SLC2A13: variants seen among roughly 807,000 people sequenced by gnomAD.
SLC2A13 encodes proton myo-inositol cotransporter.
SLC2A13 carries 32 observed loss-of-function variants against 64.4 expected under a neutral mutation model. That is an observed-to-expected ratio of 0.50 (90% CI 0.37 to 0.67). The LOEUF is 0.67. Ranked by LOEUF, SLC2A13 falls within the 30% of genes least tolerant of loss-of-function variation. The pLI, the probability that SLC2A13 is intolerant of heterozygous loss-of-function variation, is 0.00. For missense variants in SLC2A13, 743 were observed against 829.2 expected, an observed-to-expected ratio of 0.90 and a Z score of 1.28; for synonymous variants, 338 against 327.1, an observed-to-expected ratio of 1.03 and a Z score of -0.36.
chr12:40,041,585 A>G (rs1948091598), intron 2 of SLC2A13, among the ~76,000 whole-genome samples: 1 of 152,246 alleles, frequency 6.6e-6, no homozygotes, highest in Non-Finnish European at 1.5e-5. Context: ...CAGGAGGAGC[A>G]CTTCTTATCC....
chr12:39,797,740 A>ACACG (rs1555237482), intron 7 of SLC2A13, among the ~76,000 whole-genome samples: 11 of 131,368 alleles, frequency 8.4e-5, no homozygotes, highest in Admixed American at 8.2e-4. Context: ...ACACACACAC[A>ACACG]CACACACACA....
At chr12:39,813,822 G>A (rs73092133) in intron 7 of SLC2A13, among the ~76,000 whole-genome samples, 6,386 of 152,158 alleles carry the variant, frequency 0.042, 444 homozygotes, top group African/African-American at 0.14. Context: ...AGATGTAATT[G>A]GGAATATTAA....
At chr12:39,986,857 C>A (rs1286704046) in intron 3 of SLC2A13, among the ~76,000 whole-genome samples, 1 of 152,092 alleles carries the variant, frequency 6.6e-6, no homozygotes, top group Non-Finnish European at 1.5e-5. Context: ...AGGCAACAAG[C>A]CTGGTCTTGG....
At chr12:39,909,971 A>G (rs1299035408) in intron 4 of SLC2A13, among the ~76,000 whole-genome samples, 1 of 151,946 alleles carries the variant, frequency 6.6e-6, no homozygotes, top group Admixed American at 6.6e-5. Flanking sequence ...AGGTGAAAGT[A>G]ATAAATAAAT....
intron 6 of SLC2A13, among the ~76,000 whole-genome samples, chr12:39,862,931 G>C (rs1166633668): frequency 6.6e-6 from 1 of 152,074 alleles, no homozygotes; most frequent in Non-Finnish European, 1.5e-5. Flanking sequence ...GTAGAGCAGA[G>C]GATTATAGAT....
At chr12:40,101,560 T>C (rs1006939666) in intron 1 of SLC2A13, among the ~76,000 whole-genome samples, 2 of 152,146 alleles carry the variant, frequency 1.3e-5, no homozygotes, top group African/African-American at 4.8e-5. Flanking sequence ...AAAAGTATAA[T>C]GGGAAAACAA....
chr12:40,105,610 C>T lies in SLC2A13; in HGVS notation c.199G>A (p.Ala67Thr). Reference protein sequence around the residue: ...GGGGVGDLERAARRQFQQDET... With the variant: ...GGGGVGDLERTARRQFQQDET... ...TCCTGCTGGAACTGCCGCCGCGCCG[C>T]GCGCTCCAGGTCCCCGACGCCGCCG... Residue 67 changes from alanine (A) to threonine (T), a missense_variant, in exon 1 of 10, where the codon GCG becomes ACG. Physicochemically the swap from Ala to Thr is moderately conservative, Grantham distance 58. This residue lies in a region of SLC2A13 where 448 missense variants were observed against 447.4 expected (regional missense o/e 1.00). Coordinates refer to ENST00000280871, the MANE Select transcript of SLC2A13 (RefSeq NM_052885.4). The surrounding 1 kb of genome is among the most constrained non-coding windows in gnomAD (Gnocchi z 4.2). 1 of 1,518,350 alleles carries T rather than the reference C, an allele frequency of 6.6e-7. No individual in the cohort carries two copies. Among genetic ancestry groups the T allele is most frequent in the Non-Finnish European group, 8.8e-7 (1 of 1,135,392 alleles). The allele number at this position is 1,518,350 out of a possible 1,614,324, so 94.1% of individuals were successfully genotyped here. A position where few individuals can be genotyped will look rare whatever the true frequency, so the allele number is the denominator to read the frequency against.
At chr12:39,769,573 G>A (rs1473712438) in intron 7 of SLC2A13, among the ~76,000 whole-genome samples, 1 of 151,902 alleles carries the variant, frequency 6.6e-6, no homozygotes, top group Non-Finnish European at 1.5e-5. Flanking sequence ...TCCCTCCGGT[G>A]GTACAAGTCT....
At chr12:39,910,728 A>G (rs778332025) in intron 4 of SLC2A13, among the ~76,000 whole-genome samples, 1 of 152,170 alleles carries the variant, frequency 6.6e-6, no homozygotes, top group African/African-American at 2.4e-5. Context: ...GTATGACTAT[A>G]TGTGTGGTTT....
intron 1 of SLC2A13, among the ~76,000 whole-genome samples, chr12:40,074,940 A>G (rs1411509550): frequency 6.6e-6 from 1 of 152,192 alleles, no homozygotes; most frequent in Non-Finnish European, 1.5e-5. Context: ...TAGAGGGTAG[A>G]GGAGTTTAAT....
chr12:40,063,709 A>G (rs1445980844), intron 1 of SLC2A13, among the ~76,000 whole-genome samples: 2 of 152,216 alleles, frequency 1.3e-5, no homozygotes, highest in Non-Finnish European at 2.9e-5. Flanking sequence ...GACTCCAACA[A>G]GAAAGTCATA....
chr12:39,813,995 A>G (rs574904783), intron 7 of SLC2A13, among the ~76,000 whole-genome samples: 1 of 152,214 alleles, frequency 6.6e-6, no homozygotes, highest in African/African-American at 2.4e-5. Flanking sequence ...GTGATTTCGT[A>G]TATTACTTCA....
intron 7 of SLC2A13, among the ~76,000 whole-genome samples, chr12:39,820,632 C>A (rs1203053938): frequency 1.3e-5 from 2 of 151,320 alleles, no homozygotes; most frequent in Non-Finnish European, 2.9e-5. Context: ...CAGCAAAAAA[C>A]CTCCTGAGAT....
intron 7 of SLC2A13, among the ~76,000 whole-genome samples, chr12:39,773,061 T>G (rs1290330491): frequency 1.3e-5 from 2 of 152,222 alleles, no homozygotes; most frequent in African/African-American, 4.8e-5. Flanking sequence ...AATATCCTCA[T>G]GCTTTCCTGG....
At chr12:39,816,062 C>T (rs965929976) in intron 7 of SLC2A13, among the ~76,000 whole-genome samples, 4 of 152,102 alleles carry the variant, frequency 2.6e-5, no homozygotes, top group African/African-American at 4.8e-5. Flanking sequence ...ACATTTAAAT[C>T]GATGAGGCAC....
chr12:39,794,773 T>C (rs1343295450), intron 7 of SLC2A13, among the ~76,000 whole-genome samples: 1 of 152,194 alleles, frequency 6.6e-6, no homozygotes, highest in East Asian at 1.9e-4. Context: ...TTGCTCAATT[T>C]GCGAATCATT....
At chr12:40,103,772 T>G (rs1390469961) in intron 1 of SLC2A13, among the ~76,000 whole-genome samples, 1 of 152,232 alleles carries the variant, frequency 6.6e-6, no homozygotes, top group Non-Finnish European at 1.5e-5. Context: ...GAGAAAAGAA[T>G]CGTGGTCACT....
intron 3 of SLC2A13, among the ~76,000 whole-genome samples, chr12:39,981,627 A>G (rs1035864577): frequency 6.6e-6 from 1 of 151,988 alleles, no homozygotes; most frequent in Non-Finnish European, 1.5e-5. Flanking sequence ...CTAAACCAGG[A>G]AGAAGTTGAA....
At chr12:39,888,243 GAGA>G (rs1173930835) in intron 4 of SLC2A13, among the ~76,000 whole-genome samples, 1 of 151,976 alleles carries the variant, frequency 6.6e-6, no homozygotes, top group African/African-American at 2.4e-5. Flanking sequence ...TATTTATTTT[GAGA>G]AGGAGTCTCA....
Sources: gnomAD v4.1 joint callset for allele counts (sites outside exome capture counted in the v4.1 genomes callset) on GRCh38, gnomAD v4.1.1 for gene constraint, gnomAD v4.1.1 regional missense constraint, Gnocchi (gnomAD v3.1) non-coding constraint, MANE v1.5 for transcripts, NCBI Gene and HGNC (gene_info 2026-07-23, HGNC 2026-07-21) for gene names.